The following ARHGAP29 variants were observed in gnomAD, a reference collection of about 807,000 sequenced individuals.
ARHGAP29 encodes the protein rho GTPase-activating protein 29.
In ARHGAP29, 43 loss-of-function variants were observed where a neutral mutation model predicts 122.6. That is an observed-to-expected ratio of 0.35 (90% CI 0.27 to 0.45). The LOEUF (loss-of-function observed/expected upper bound fraction) is 0.45, where lower values mean the gene tolerates loss of function less well. ARHGAP29 is among the 20% of genes least tolerant of loss of function. The pLI is 1.00. For synonymous variants in ARHGAP29, 506 were observed against 497.1 expected (o/e 1.02, Z -0.24); for missense variants, 1,303 against 1,477.2 (o/e 0.88, Z 1.93).
intron 2 of ARHGAP29, among the ~76,000 whole-genome samples, chr1:94,230,540 T>A (rs1384161512): frequency 6.6e-6 from 1 of 151,760 alleles, no homozygotes; most frequent in Non-Finnish European, 1.5e-5. Flanking sequence ...ACAATTTTGG[T>A]TTTTCAAAAT....
chr1:94,306,874 A>G, the ARHGAP29 span, among the ~76,000 whole-genome samples: 37 of 152,348 alleles, frequency 2.4e-4, no homozygotes, highest in African/African-American at 8.2e-4. Context: ...TAAAAAATAT[A>G]TATACACACA....
At chr1:94,205,712 A>G in intron 5 of ARHGAP29, 29 bp from the exon 6 acceptor site, 2 of 1,599,808 alleles carry the variant, frequency 1.3e-6, no homozygotes, top group Non-Finnish European at 1.7e-6. Context: ...ATAAATTTAA[A>G]ATTAGAGAAG....
chr1:94,195,273 C>T lies in ARHGAP29; in HGVS notation c.1282-5190G>A, dbSNP rs572947203. 4 of 152,316 alleles carry T rather than the reference C, an allele frequency of 2.6e-5. No individual in the cohort carries two copies. In the East Asian group the frequency reaches 7.7e-4, roughly 29 times the overall value. 9.4% of individuals were successfully genotyped at this position (152,316 alleles called of 1,614,324 possible). ...AAAAAACCATTCTGGTGATTGGACC[C>T]ATGGGCCAGGCAACCCAATATTCAA... On this transcript the variant is annotated intron_variant, in intron 12 of 22. Coordinates refer to ENST00000260526, the MANE Select transcript of ARHGAP29 (RefSeq NM_004815.4).
At chr1:94,175,763 G>A (rs1649055823) in intron 22 of ARHGAP29, among the ~76,000 whole-genome samples, 1 of 152,084 alleles carries the variant, frequency 6.6e-6, no homozygotes, top group Non-Finnish European at 1.5e-5. Context: ...GGAGTGCAGT[G>A]GCATTATCTT....
intron 7 of ARHGAP29, 131 bp from the exon 8 acceptor site, chr1:94,204,125 C>G (rs1217884428): frequency 5.7e-6 from 3 of 523,262 alleles, no homozygotes; most frequent in African/African-American, 2.0e-5. Context: ...AGATATAATA[C>G]AGCAATACTT....
At chr1:94,233,394 C>T (rs1411283573) in intron 1 of ARHGAP29, among the ~76,000 whole-genome samples, 1 of 71,578 alleles carries the variant, frequency 1.4e-5, no homozygotes, top group African/African-American at 4.6e-5. Context: ...ACCCACTTCT[C>T]TCTACTGCTA....
chr1:94,299,638 T>C, the ARHGAP29 span, among the ~76,000 whole-genome samples: 1 of 152,178 alleles, frequency 6.6e-6, no homozygotes, highest in Admixed American at 6.5e-5. Flanking sequence ...TGGTTCTCCC[T>C]GTTGGCTAGG....
the ARHGAP29 span, among the ~76,000 whole-genome samples, chr1:94,287,292 G>A: frequency 6.6e-6 from 1 of 152,116 alleles, no homozygotes; most frequent in African/African-American, 2.4e-5. Context: ...GATTATGGGG[G>A]CGGTTTCCCC....
At chr1:94,286,256 C>A in the ARHGAP29 span, among the ~76,000 whole-genome samples, 1 of 152,152 alleles carries the variant, frequency 6.6e-6, no homozygotes, top group African/African-American at 2.4e-5. Flanking sequence ...CTTATTACCT[C>A]ATTTAACTAT....
At chr1:94,210,383 C>A (rs1007401613) in intron 3 of ARHGAP29, among the ~76,000 whole-genome samples, 1 of 152,132 alleles carries the variant, frequency 6.6e-6, no homozygotes, top group African/African-American at 2.4e-5. Flanking sequence ...TTCATAGGTA[C>A]GTGGTGAAGA....
intron 1 of ARHGAP29, among the ~76,000 whole-genome samples, chr1:94,236,116 CGAT>C (rs1653235311): frequency 6.6e-6 from 1 of 152,108 alleles, no homozygotes; most frequent in African/African-American, 2.4e-5. Flanking sequence ...CATCCTAAAA[CGAT>C]GATTAAATCT....
chr1:94,274,782 G>C (rs1655121447), intron 1 of ARHGAP29, among the ~76,000 whole-genome samples: 1 of 152,202 alleles, frequency 6.6e-6, no homozygotes, highest in Non-Finnish European at 1.5e-5. Context: ...CAGGAGCAAA[G>C]GTTAAACAGC....
At chr1:94,250,329 A>G (rs1654034621) in intron 1 of ARHGAP29, 1 of 152,224 alleles carries the variant, frequency 6.6e-6, no homozygotes, top group Admixed American at 6.5e-5. Context: ...TGTGCCAGAC[A>G]TTGTTCTGAG....
At position 94,177,857 on chromosome 1, in the gene ARHGAP29, T is replaced by C; in HGVS notation, c.2791A>G (p.Lys931Glu). The C allele has an allele frequency of 1.1e-5, 18 of 1,605,904 alleles. No individual in the cohort carries two copies. The highest frequency in any genetic ancestry group is 1.5e-5 in the Non-Finnish European group (18 of 1,177,376). ...TCTATAAAGGTCAAACTCACTTCCTTTGAAGAAAAAAATAGTGACTTCATG... is the reference window on the plus strand; with the variant it reads ...TCTATAAAGGTCAAACTCACTTCCTCTGAAGAAAAAAATAGTGACTTCATG... Reference protein sequence around the residue: ...RSMKSLFFSSKEDIHTSESES... With the variant: ...RSMKSLFFSSEEDIHTSESES... Residue 931 changes from lysine to glutamate, a missense_variant, in exon 21 of 23, where the codon AAG (lysine) becomes GAG (glutamate). Transcript: ENST00000260526.
chr1:94,175,748 AG>A (rs1298879442), intron 22 of ARHGAP29, among the ~76,000 whole-genome samples: 2 of 152,154 alleles, frequency 1.3e-5, no homozygotes, highest in East Asian at 3.9e-4. Context: ...TCTGTCACCC[AG>A]GCTGGAGTGC....
chr1:94,248,910 C>T (rs562323101), intron 1 of ARHGAP29, among the ~76,000 whole-genome samples: 20 of 152,252 alleles, frequency 1.3e-4, no homozygotes, highest in East Asian at 7.7e-4. Flanking sequence ...ATGGAGTCTT[C>T]GCCATGTTGC....
chr1:94,254,219 C>A (rs1654232694), intron 1 of ARHGAP29, among the ~76,000 whole-genome samples: 1 of 152,074 alleles, frequency 6.6e-6, no homozygotes, highest in Admixed American at 6.5e-5. Context: ...GGATTGACAC[C>A]CTTTACCTTA....
chr1:94,281,962 G>A, the ARHGAP29 span, among the ~76,000 whole-genome samples: 1 of 152,160 alleles, frequency 6.6e-6, no homozygotes, highest in African/African-American at 2.4e-5. Flanking sequence ...TGCTGTAGGT[G>A]TGAGGGGAAC....
chr1:94,201,472 CCTT>C (rs1331660622), intron 12 of ARHGAP29, among the ~76,000 whole-genome samples: 3 of 151,586 alleles, frequency 2.0e-5, no homozygotes, highest in East Asian at 3.9e-4. Context: ...TTCCTCCCTC[CCTT>C]CTTTCCTCCC....
Sources: allele counts gnomAD v4.1 joint callset (sites outside exome capture counted in the v4.1 genomes callset), GRCh38; gene constraint gnomAD v4.1.1; transcripts MANE v1.5; gene names NCBI Gene and HGNC (gene_info 2026-07-23, HGNC 2026-07-21).